Variants in LIMCH1 observed in about 807,000 individuals in gnomAD.
LIMCH1 encodes LIM and calponin homology domains-containing protein 1.
A neutral mutation model predicts 176.5 loss-of-function variants in LIMCH1; 113 were observed. That is an observed-to-expected ratio of 0.64 (90% CI 0.55 to 0.75). The LOEUF is 0.75. Ranked by LOEUF, LIMCH1 falls within the 30% of genes least tolerant of loss-of-function variation. LIMCH1 has a pLI of 0.00. For missense variants in LIMCH1, 1,674 were observed against 1,814.9 expected, an observed-to-expected ratio of 0.92 and a Z score of 1.41; for synonymous variants, 619 against 645.9, an observed-to-expected ratio of 0.96 and a Z score of 0.63.
chr4:41,646,340 A>G, intron 16 of LIMCH1, 60 bp downstream of exon 16: 2 of 1,517,926 alleles, frequency 1.3e-6, no homozygotes, highest in East Asian at 2.3e-5. Context: ...TTTTTTTTCT[A>G]AAAATTATTG....
At chr4:41,372,058 A>G (rs959318460) in intron 1 of LIMCH1, among the ~76,000 whole-genome samples, 1 of 152,016 alleles carries the variant, frequency 6.6e-6, no homozygotes, top group Non-Finnish European at 1.5e-5. Context: ...GGAGGTGAAC[A>G]CCCCTCTTTT....
chr4:41,399,764 C>T (rs897609016), intron 1 of LIMCH1, among the ~76,000 whole-genome samples: 1 of 144,898 alleles, frequency 6.9e-6, no homozygotes, highest in Non-Finnish European at 1.5e-5. Flanking sequence ...GTACCTCAAC[C>T]TCTGCCTCCT....
chr4:41,470,283 A>G (rs368259981), intron 1 of LIMCH1, among the ~76,000 whole-genome samples: 2 of 152,290 alleles, frequency 1.3e-5, no homozygotes, highest in African/African-American at 4.8e-5. Flanking sequence ...TCTGCCCTGC[A>G]TCTGTACCCA....
intron 1 of LIMCH1, among the ~76,000 whole-genome samples, chr4:41,409,391 A>G (rs1428399296): frequency 6.6e-6 from 1 of 152,166 alleles, no homozygotes. Flanking sequence ...TAATGCCGCC[A>G]GTAGTAGAGA....
Position 41,529,522 on chromosome 4 carries a change from C to G in LIMCH1, c.237+5044C>G, listed in dbSNP as rs142230947. On this transcript the variant is annotated intron_variant, in intron 3 of 26. Coordinates refer to the LIMCH1 transcript ENST00000313860. Reference sequence around the variant, plus strand: ...TCTTAGATGTATCTTAGAAGGACATCTTAGATGTGTTTGTTTTGCAGATGA... The same window carrying G: ...TCTTAGATGTATCTTAGAAGGACATGTTAGATGTGTTTGTTTTGCAGATGA... Among the ~76,000 whole-genome samples, 239 of 152,236 alleles carry G rather than the reference C, an allele frequency of 1.6e-3. 1 individual carries two copies. The highest frequency in any genetic ancestry group is 5.3e-3 in the African/African-American group (221 of 41,548).
At chr4:41,404,257 C>T (rs1022075914) in intron 1 of LIMCH1, among the ~76,000 whole-genome samples, 12 of 151,844 alleles carry the variant, frequency 7.9e-5, no homozygotes, top group African/African-American at 2.9e-4. Context: ...TCTGTTGAGA[C>T]ATGATTCATG....
chr4:41,657,387 G>A (rs2094494112), intron 18 of LIMCH1, among the ~76,000 whole-genome samples: 1 of 152,186 alleles, frequency 6.6e-6, no homozygotes, highest in Admixed American at 6.5e-5. Context: ...AATGATGTGA[G>A]TACAAAAGTA....
intron 9 of LIMCH1, 117 bp from the exon 10 acceptor site, chr4:41,631,031 C>G: frequency 1.2e-6 from 1 of 851,934 alleles, no homozygotes; most frequent in Non-Finnish European, 1.7e-6. Context: ...AGTGGGATGC[C>G]GAACTCACTG....
At chr4:41,612,653 A>G in intron 4 of LIMCH1, 1 of 702,396 alleles carries the variant, frequency 1.4e-6, no homozygotes, top group Non-Finnish European at 2.6e-6. Flanking sequence ...TCAGTGTTTT[A>G]GTATGTGCTG....
At position 41,620,440 on chromosome 4, in the gene LIMCH1, G is replaced by A. The variant is rs759195665; in HGVS notation, c.475G>A (p.Glu159Lys). 7.2e-6 allele frequency: 11 copies of A among 1,536,026 alleles called. No homozygotes were observed. Among genetic ancestry groups the A allele is most frequent in the Non-Finnish European group, 8.7e-6 (10 of 1,146,894 alleles). ...ERPFSFPETI[E>K]EEGSEVGSAG... ...ACTCACTAGCTTTCCTGAAACGATA[G>A]AGGAAGAGGGGAGTGAAGTGGGGTC... Residue 159 changes from glutamate to lysine, a missense_variant, in exon 7 of 32, where the codon GAG becomes AAG. Physicochemically the swap from Glu to Lys is moderately conservative, Grantham distance 56 (BLOSUM62 1). This residue lies in a region of LIMCH1 where 655 missense variants were observed against 692.2 expected (regional missense o/e 0.95). Transcript: ENST00000503057.
chr4:41,671,505 A>G, intron 21 of LIMCH1, 49 bp from the exon 22 acceptor site: 1 of 1,505,978 alleles, frequency 6.6e-7, no homozygotes, highest in African/African-American at 1.4e-5. Context: ...AGACAATTAG[A>G]AAATACTCAC....
At chr4:41,616,672 G>A (rs970079329) in intron 5 of LIMCH1, among the ~76,000 whole-genome samples, 2 of 152,098 alleles carry the variant, frequency 1.3e-5, no homozygotes, top group East Asian at 3.9e-4. Flanking sequence ...AACTTTTGAG[G>A]TGTCAGCCTC....
At chr4:41,552,341 C>G (rs1396628238) in intron 1 of LIMCH1, among the ~76,000 whole-genome samples, 3 of 152,096 alleles carry the variant, frequency 2.0e-5, no homozygotes, top group Non-Finnish European at 2.9e-5. Flanking sequence ...ACAGGGCCCT[C>G]TATCTGTGTG....
Position 41,584,600 on chromosome 4 carries a change from A to G in LIMCH1, c.-240-14320A>G, listed in dbSNP as rs189591049. On this transcript the variant is annotated intron_variant, in intron 1 of 31. Coordinates refer to ENST00000503057, the MANE Select transcript of LIMCH1 (RefSeq NM_001330672.2). Reference sequence around the variant, plus strand: ...TCAAGTGGGGAGTATTTTATGTAGCATTTTCCAAACTTTATTTGATCCAGA... The same window carrying G: ...TCAAGTGGGGAGTATTTTATGTAGCGTTTTCCAAACTTTATTTGATCCAGA... Among the ~76,000 whole-genome samples the G allele has an allele frequency of 1.1e-4, 16 of 152,186 alleles. 1 individual carries two copies. Among genetic ancestry groups the G allele is most frequent in the Admixed American group, 9.8e-4 (15 of 15,286 alleles).
chr4:41,588,999 C>A (rs2086986565), intron 1 of LIMCH1, among the ~76,000 whole-genome samples: 1 of 152,194 alleles, frequency 6.6e-6, no homozygotes, highest in African/African-American at 2.4e-5. Context: ...ACTGTTCCAT[C>A]TGCATTATTT....
intron 1 of LIMCH1, among the ~76,000 whole-genome samples, chr4:41,425,621 A>G (rs2061009813): frequency 3.9e-5 from 6 of 152,194 alleles, no homozygotes. Flanking sequence ...TTCTGGGATT[A>G]CAGGTGTGAG....
intron 31 of LIMCH1, chr4:41,693,131 C>T (rs1238861886): frequency 6.6e-6 from 1 of 152,188 alleles, no homozygotes; most frequent in Non-Finnish European, 1.5e-5. Context: ...CCTCATTCTC[C>T]ATCATGAGTA....
intron 1 of LIMCH1, among the ~76,000 whole-genome samples, chr4:41,405,224 G>A (rs536130144): frequency 1.1e-3 from 163 of 152,144 alleles, no homozygotes; most frequent in African/African-American, 3.3e-3. Flanking sequence ...AAGCAGTTTT[G>A]ATTTTAAAAA....
intron 1 of LIMCH1, among the ~76,000 whole-genome samples, chr4:41,561,181 G>GA (rs1451664056): frequency 6.6e-6 from 1 of 152,156 alleles, no homozygotes; most frequent in East Asian, 1.9e-4. Context: ...AATATGAAAG[G>GA]AAAAGAAACA....
Sources: gnomAD v4.1 joint callset for allele counts (sites outside exome capture counted in the v4.1 genomes callset) on GRCh38, gnomAD v4.1.1 for gene constraint, gnomAD v4.1.1 regional missense constraint, MANE v1.5 for transcripts, NCBI Gene and HGNC (gene_info 2026-07-23, HGNC 2026-07-21) for gene names.